LMNB1: variants seen among roughly 807,000 people sequenced by gnomAD.
LMNB1 encodes lamin-B1.
Under a neutral mutation model 67.1 loss-of-function variants are expected in LMNB1, and 23 were observed. The ratio of observed to expected loss-of-function variants is 0.34; its 90% CI spans 0.25 to 0.49. LMNB1 has a LOEUF of 0.49. Ranked by LOEUF, LMNB1 falls within the 20% of genes least tolerant of loss-of-function variation. The pLI, the probability that LMNB1 is intolerant of heterozygous loss-of-function variation, is 0.99. For synonymous variants in LMNB1, 281 were observed against 282.9 expected, an observed-to-expected ratio of 0.99 and a Z score of 0.07; for missense variants, 634 against 746.5, an observed-to-expected ratio of 0.85 and a Z score of 1.76.
At chr5:126,788,883 C>A (rs1750877403) in intron 1 of LMNB1, among the ~76,000 whole-genome samples, 1 of 139,498 alleles carries the variant, frequency 7.2e-6, no homozygotes, top group African/African-American at 2.6e-5. Flanking sequence ...GGGAAGGAGA[C>A]AAGTTTTTTT....
chr5:126,811,818 A>G lies in LMNB1; in HGVS notation c.859A>G (p.Asn287Asp). 6.2e-7 allele frequency: 1 copy of G among 1,612,740 alleles called. No individual in the cohort carries two copies. Among genetic ancestry groups the G allele is most frequent in the East Asian group, 2.2e-5 (1 of 44,872 alleles). The change falls in exon 5 of 11, where the codon AAC becomes GAC. Residue 287 changes from asparagine to aspartate, a missense_variant. Physicochemically the swap from Asn to Asp is conservative, Grantham distance 23 (BLOSUM62 1). Coordinates refer to ENST00000261366, the MANE Select transcript of LMNB1 (RefSeq NM_005573.4). ...ATCAGAGATGAATACTTCTACTGTC[A>G]ACAGTGCCAGGGAAGAACTGATGGA... ...LSSEMNTSTV[N>D]SAREELMESR...
chr5:126,820,273 C>G (rs990975321), intron 6 of LMNB1, among the ~76,000 whole-genome samples: 1 of 152,162 alleles, frequency 6.6e-6, no homozygotes, highest in African/African-American at 2.4e-5. Flanking sequence ...GAAAAAAGTA[C>G]ACCAACTATA....
At chr5:126,779,005 T>C (rs1171663913) in intron 1 of LMNB1, among the ~76,000 whole-genome samples, 2 of 152,166 alleles carry the variant, frequency 1.3e-5, no homozygotes, top group East Asian at 1.9e-4. Flanking sequence ...CTTTAGAGAT[T>C]TGCAAAATTT....
At chr5:126,788,312 G>C (rs1421002914) in intron 1 of LMNB1, among the ~76,000 whole-genome samples, 1 of 152,034 alleles carries the variant, frequency 6.6e-6, no homozygotes, top group Non-Finnish European at 1.5e-5. Context: ...ACTGGGTAGA[G>C]AAAGGAGAAC....
At chr5:126,833,699 A>G (rs1159780677) in intron 10 of LMNB1, among the ~76,000 whole-genome samples, 1 of 152,240 alleles carries the variant, frequency 6.6e-6, no homozygotes, top group Admixed American at 6.5e-5. Flanking sequence ...CATCGTAATT[A>G]CTAGAAGTAA....
chr5:126,826,002 C>T lies in LMNB1; in HGVS notation c.1506C>T (p.Asn502=), dbSNP rs761390315. The T allele has an allele frequency of 3.2e-5, 51 of 1,613,694 alleles. 1 individual carries two copies. The highest frequency in any genetic ancestry group is 2.7e-4 in the South Asian group (25 of 91,074). Reference sequence around the variant, plus strand: ...GTTTTTTACAGATTTGGGCTGCAAACGCTGGTGTCACAGCCAGCCCCCCAA... The same window carrying T: ...GTTTTTTACAGATTTGGGCTGCAAATGCTGGTGTCACAGCCAGCCCCCCAA... ...AGQTVTIWAA[N]AGVTASPPTD... is the part of the protein sequence containing the mutation. Residue 502 remains asparagine (N), a synonymous_variant, in exon 9 of 11, where the codon AAC becomes AAT. Coordinates refer to ENST00000261366, the MANE Select transcript of LMNB1 (RefSeq NM_005573.4).
chr5:126,800,955 A>G (rs868297965), intron 1 of LMNB1, among the ~76,000 whole-genome samples: 3 of 54,624 alleles, frequency 5.5e-5, no homozygotes, highest in African/African-American at 1.9e-4. Context: ...GCCAGACTAT[A>G]TATATATATA....
At chr5:126,795,059 T>C (rs115623227) in intron 1 of LMNB1, among the ~76,000 whole-genome samples, 4,319 of 152,226 alleles carry the variant, frequency 0.028, 78 homozygotes, top group Middle Eastern at 0.11. Flanking sequence ...TAATTCTTTG[T>C]TCCCTGTTTA....
Position 126,836,782 on chromosome 5 carries a change from T to C in LMNB1, c.*518T>C, listed in dbSNP as rs185784874. The C allele has an allele frequency of 1.1e-4, 43 of 395,450 alleles. 2 individuals carry two copies. In the Middle Eastern group the frequency reaches 2.5e-3, roughly 23 times the overall value. 24.5% of individuals were successfully genotyped at this position (395,450 alleles called of 1,614,324 possible). A position where few individuals can be genotyped will look rare whatever the true frequency, so the allele number is the denominator to read the frequency against. The stretch of plus-strand genomic sequence containing the variant: ...AATTTTTTTTAAAATAGAAATTTTG[T>C]AAGAAGGCAATATTAACCTAATCAC... On this transcript the variant is annotated 3_prime_UTR_variant, in exon 11 of 11. Transcript: ENST00000261366.
intron 1 of LMNB1, among the ~76,000 whole-genome samples, chr5:126,792,416 C>T (rs995616822): frequency 1.1e-4 from 16 of 151,800 alleles, no homozygotes; most frequent in Non-Finnish European, 2.1e-4. Context: ...GGATTATAGG[C>T]GTGAGCCACT....
At chr5:126,797,886 G>C (rs999363578) in intron 1 of LMNB1, among the ~76,000 whole-genome samples, 1 of 151,944 alleles carries the variant, frequency 6.6e-6, no homozygotes, top group East Asian at 1.9e-4. Flanking sequence ...AACCAGCCGG[G>C]GCAACATAGG....
At chr5:126,805,275 T>C (rs1751388362) in intron 2 of LMNB1, among the ~76,000 whole-genome samples, 1 of 151,992 alleles carries the variant, frequency 6.6e-6, no homozygotes, top group Admixed American at 6.6e-5. Context: ...CAGGAAAAAA[T>C]GAAAGTGGTT....
chr5:126,833,246 A>G (rs1752175710), intron 10 of LMNB1, among the ~76,000 whole-genome samples: 1 of 152,258 alleles, frequency 6.6e-6, no homozygotes, highest in Non-Finnish European at 1.5e-5. Context: ...CCTAATCATT[A>G]TCTAATTGAA....
chr5:126,783,821 C>CT (rs895971272), intron 1 of LMNB1, among the ~76,000 whole-genome samples: 7 of 150,864 alleles, frequency 4.6e-5, no homozygotes, highest in Non-Finnish European at 7.4e-5. Context: ...AATCTTCAGA[C>CT]TTTTTTTTTA....
chr5:126,825,845 C>A, intron 8 of LMNB1, 143 bp from the exon 9 acceptor site: 3 of 1,075,506 alleles, frequency 2.8e-6, no homozygotes, highest in Non-Finnish European at 4.1e-6. Flanking sequence ...TTCTCCTGGC[C>A]ACATAGCTGT....
chr5:126,819,046 A>G lies in LMNB1; in HGVS notation c.1064A>G (p.Gln355Arg), dbSNP rs1561750636. The change falls in exon 6 of 11, where the codon CAA becomes CGA. Residue 355 changes from glutamine to arginine, a missense_variant. Physicochemically the swap from Gln to Arg is conservative, Grantham distance 43. Transcript: ENST00000261366. ...GCGGAAATAAGGGATCAAATGCAGC[A>G]ACAGCTGAATGACTATGAACAGCTT... Reference protein sequence around the residue: ...EMAEIRDQMQQQLNDYEQLLD... With the variant: ...EMAEIRDQMQRQLNDYEQLLD... The G allele has an allele frequency of 6.2e-7, 1 of 1,614,182 alleles. No homozygotes were observed. The highest frequency in any genetic ancestry group is 1.7e-5 in the Admixed American group (1 of 60,028).
chr5:126,803,365 C>A (rs1175040851), intron 1 of LMNB1, among the ~76,000 whole-genome samples: 1 of 151,246 alleles, frequency 6.6e-6, no homozygotes, highest in Non-Finnish European at 1.5e-5. Flanking sequence ...CCTTCCTCAG[C>A]CCCCTGAGTA....
At chr5:126,787,546 A>ATAT in intron 1 of LMNB1, among the ~76,000 whole-genome samples, 7 of 65,574 alleles carry the variant, frequency 1.1e-4, no homozygotes, top group East Asian at 6.6e-4. Flanking sequence ...ATATATATAT[A>ATAT]TTTTTTTTTT....
rs190502131 is a variant in LMNB1, at chr5:126,824,986, C to T, written c.1492-1002C>T. Among the ~76,000 whole-genome samples the T allele has an allele frequency of 3.9e-5, 6 of 152,220 alleles. No homozygotes were observed. In the East Asian group the frequency reaches 1.2e-3, roughly 29 times the overall value. ...TACAGGCTGGAGCCACTACACCTGG[C>T]CCCCATTTTGAAATAATACTTGGCT... On this transcript the variant is annotated intron_variant, in intron 8 of 10. Transcript: ENST00000261366.
Sources: gnomAD v4.1 joint callset for allele counts (sites outside exome capture counted in the v4.1 genomes callset) on GRCh38, gnomAD v4.1.1 for gene constraint, MANE v1.5 for transcripts, NCBI Gene and HGNC (gene_info 2026-07-23, HGNC 2026-07-21) for gene names.